The following A2M variants were observed in gnomAD, a reference collection of about 807,000 sequenced individuals.
A2M encodes alpha-2-macroglobulin.
Under a neutral mutation model 183.9 loss-of-function variants are expected in A2M, and 128 were observed. The ratio of observed to expected loss-of-function variants is 0.70; its 90% CI spans 0.60 to 0.81. A2M has a LOEUF of 0.81. Among genes scored for constraint, A2M ranks in the 30% least tolerant of loss-of-function variants. A2M has a pLI of 0.00. For missense variants in A2M, 1,495 were observed against 1,787.6 expected, an observed-to-expected ratio of 0.84 and a Z score of 2.95; for synonymous variants, 592 against 670.8, an observed-to-expected ratio of 0.88 and a Z score of 1.81.
chr12:9,072,811 C>T lies in A2M; in HGVS notation c.3817G>A (p.Gly1273Arg). 1 of 1,614,158 alleles carries T rather than the reference C, an allele frequency of 6.2e-7. No individual in the cohort carries two copies. Among genetic ancestry groups the T allele is most frequent in the Non-Finnish European group, 8.5e-7 (1 of 1,180,022 alleles). The change falls in exon 30 of 36, where the codon GGG (glycine) becomes AGG (arginine). Residue 1273 changes from glycine (G) to arginine (R), a missense_variant. By Grantham distance (125) the Gly-to-Arg change is moderately radical. Transcript: ENST00000318602. ...KYGAATFTRT[G>R]KAAQVTIQSS... ...TGGATAGTCACCTGTGCAGCCTTCC[C>T]AGTCCTGGTAAATGTGGCTGCTCCA...
rs763515018 is a variant in A2M, at chr12:9,109,393, A to G, written c.686T>C (p.Phe229Ser). 6 of 1,612,542 alleles carry G rather than the reference A, an allele frequency of 3.7e-6. No individual in the cohort carries two copies. The highest frequency in any genetic ancestry group is 5.1e-6 in the Non-Finnish European group (6 of 1,178,950). ...FTVEEFVLPKFEVQVTVPKII... is the reference protein window; with the variant it reads ...FTVEEFVLPKSEVQVTVPKII... ...CTTTGGCACTGTTACTTGTACTTCA[A>G]ACTTGGGAAGAACTGTTGATTGGTG... Residue 229 changes from phenylalanine (F) to serine (S), a missense_variant, in exon 7 of 36, where the codon TTT (phenylalanine) becomes TCT (serine). Phe to Ser is a radical substitution (Grantham distance 155, BLOSUM62 -2). Coordinates refer to ENST00000318602, the MANE Select transcript of A2M (RefSeq NM_000014.6).
chr12:9,106,198 A>T (rs1411929349), intron 10 of A2M, 38 bp downstream of exon 10: 3 of 1,210,582 alleles, frequency 2.5e-6, no homozygotes, highest in Non-Finnish European at 3.7e-6. Context: ...ATTAGGTAAC[A>T]GTACATGGGT....
At chr12:9,113,327 AC>A in intron 2 of A2M, 32 bp downstream of exon 2, 2 of 1,608,204 alleles carry the variant, frequency 1.2e-6, no homozygotes, top group Middle Eastern at 1.7e-4. Flanking sequence ...GACTAAAAGA[AC>A]CAAGTATATT....
At chr12:9,094,347 A>G (rs1476197745) in intron 17 of A2M, among the ~76,000 whole-genome samples, 1 of 133,496 alleles carries the variant, frequency 7.5e-6, no homozygotes, top group Non-Finnish European at 1.6e-5. Flanking sequence ...GTGCATATAT[A>G]TATATATATA....
chr12:9,068,405 T>C (rs746769504), intron 34 of A2M, among the ~76,000 whole-genome samples, 181 bp from the exon 35 acceptor site: 1 of 152,304 alleles, frequency 6.6e-6, no homozygotes, highest in South Asian at 2.1e-4. Flanking sequence ...CTTTCAAATA[T>C]AGTGTTTTAT....
At chr12:9,084,430 A>G (rs1948996065) in intron 22 of A2M, among the ~76,000 whole-genome samples, 1 of 152,200 alleles carries the variant, frequency 6.6e-6, no homozygotes, top group African/African-American at 2.4e-5. Flanking sequence ...TTCTGACATC[A>G]ACGACATAAA....
intron 13 of A2M, 148 bp from the exon 14 acceptor site, chr12:9,099,671 C>T (rs1937672958): frequency 1.1e-6 from 1 of 949,006 alleles, no homozygotes; most frequent in Non-Finnish European, 1.5e-6. Flanking sequence ...TATCAAAGCC[C>T]TCTCTCCTCT....
chr12:9,073,535 C>A (rs1315127904), intron 29 of A2M, among the ~76,000 whole-genome samples: 4 of 151,978 alleles, frequency 2.6e-5, no homozygotes, highest in Non-Finnish European at 1.5e-5. Flanking sequence ...TGAATGATAA[C>A]CTTTAACAAA....
At chr12:9,095,944 A>G (rs1949367721) in intron 15 of A2M, among the ~76,000 whole-genome samples, 1 of 150,360 alleles carries the variant, frequency 6.7e-6, no homozygotes, top group Admixed American at 6.6e-5. Context: ...TATTTTTAGT[A>G]GAGACGGGGT....
In A2M at chr12:9,115,911, T is replaced by A. The variant is rs769367766; in HGVS notation, c.-62A>T. ...ATTGTACCCTACTCCCTACAATCCA[T>A]CTGGTCCCAAACACTTCCCAAAGCA... On this transcript the variant is annotated 5_prime_UTR_variant, in exon 1 of 36. It removes an upstream start codon present in the reference 5' UTR. Coordinates refer to ENST00000318602, the MANE Select transcript of A2M (RefSeq NM_000014.6). 72 of 1,410,136 alleles carry A rather than the reference T, an allele frequency of 5.1e-5. No homozygotes were observed. Among genetic ancestry groups the A allele is most frequent in the South Asian group, 1.8e-4 (16 of 86,710 alleles). The allele number at this position is 1,410,136 out of a possible 1,614,324, so 87.4% of individuals were successfully genotyped here.
At chr12:9,090,584 C>G in intron 19 of A2M, 102 bp from the exon 20 acceptor site, 3 of 1,276,024 alleles carry the variant, frequency 2.4e-6, no homozygotes, top group Non-Finnish European at 3.3e-6. Context: ...TTCAGGTTGC[C>G]TCACATTAAA....
At chr12:9,067,961 C>G (rs1317879603) in intron 35 of A2M, 122 bp from the exon 36 acceptor site, 26 of 1,060,658 alleles carry the variant, frequency 2.5e-5, no homozygotes, top group Non-Finnish European at 3.3e-5. Flanking sequence ...AGTGGGAAAC[C>G]AAATCTATTC....
At chr12:9,083,175 G>A (rs1156949013) in intron 22 of A2M, among the ~76,000 whole-genome samples, 3 of 152,096 alleles carry the variant, frequency 2.0e-5, no homozygotes, top group Admixed American at 2.0e-4. Flanking sequence ...TCACTCATAG[G>A]TGGGAATTGA....
At chr12:9,098,570 C>T (rs760308365) in intron 15 of A2M, 37 bp downstream of exon 15, 23 of 1,565,828 alleles carry the variant, frequency 1.5e-5, no homozygotes, top group Admixed American at 3.8e-5. Flanking sequence ...GCCCCTGGCA[C>T]GGCCCTTCTT....
intron 4 of A2M, 58 bp from the exon 5 acceptor site, chr12:9,110,392 T>G: frequency 1.8e-6 from 2 of 1,137,224 alleles, no homozygotes; most frequent in Admixed American, 5.5e-5. Context: ...TTAAATCTCA[T>G]TTATAAGCAA....
Position 9,101,129 on chromosome 12 carries a change from G to A in A2M, c.1558+15C>T. 2 of 1,555,548 alleles carry A rather than the reference G, an allele frequency of 1.3e-6. No individual in the cohort carries two copies. Among genetic ancestry groups the A allele is most frequent in the South Asian group, 2.4e-5 (2 of 84,162 alleles). On this transcript the variant is annotated intron_variant, in intron 13 of 35. Coordinates refer to ENST00000318602, the MANE Select transcript of A2M (RefSeq NM_000014.6). ...CAGAATGGGGCAGCAATGCAGAGAT[G>A]ATGGAAATACTCACTGTCTTCCTGC... is the stretch of plus-strand genomic sequence containing the variant.
At chr12:9,078,664 G>A (rs1333758798) in intron 25 of A2M, among the ~76,000 whole-genome samples, 1 of 152,164 alleles carries the variant, frequency 6.6e-6, no homozygotes, top group Non-Finnish European at 1.5e-5. Flanking sequence ...TAATTTGAAT[G>A]TACTTATTTT....
In A2M at chr12:9,104,350, G is replaced by A. The variant is rs374532473; in HGVS notation, c.1155C>T (p.Phe385=). 404 of 1,606,800 alleles carry A rather than the reference G, an allele frequency of 2.5e-4. 1 individual carries two copies. The African/African-American group carries it at 4.7e-3, about 19-fold the overall frequency. The change falls in exon 11 of 36, where the codon TTC becomes TTT. Residue 385 remains phenylalanine (F), a synonymous_variant. Coordinates refer to ENST00000318602, the MANE Select transcript of A2M (RefSeq NM_000014.6). ...AATAGTTTGCTTCATTTCCTCTGAT[G>A]AATATGACTTTATTTGGTATAGGGA... The part of the protein sequence containing the change: ...KGVPIPNKVI[F]IRGNEANYYS...
intron 2 of A2M, among the ~76,000 whole-genome samples, chr12:9,112,863 GT>G (rs1053610402): frequency 2.6e-5 from 4 of 152,202 alleles, no homozygotes; most frequent in African/African-American, 9.7e-5. Context: ...GTCGAAGCAT[GT>G]TTTACAGGCT....
Sources: gnomAD v4.1 joint callset for allele counts (sites outside exome capture counted in the v4.1 genomes callset) on GRCh38, gnomAD v4.1.1 for gene constraint, MANE v1.5 for transcripts, NCBI Gene and HGNC (gene_info 2026-07-23, HGNC 2026-07-21) for gene names.